PHACTR1: variants seen among roughly 807,000 people sequenced by gnomAD.
PHACTR1 encodes phosphatase and actin regulator 1, also known as RPEL repeat containing 1.
In PHACTR1, 16 loss-of-function variants were observed where a neutral mutation model predicts 69.2. That is an observed-to-expected ratio of 0.23 (90% CI 0.16 to 0.35). The LOEUF is 0.35. Ranked by LOEUF, PHACTR1 falls within the 10% of genes least tolerant of loss-of-function variation. The pLI, the probability that PHACTR1 is intolerant of heterozygous loss-of-function variation, is 1.00. For missense variants in PHACTR1, 510 were observed against 734.7 expected (o/e 0.69, Z 3.54); for synonymous variants, 312 against 284.5 (o/e 1.10, Z -0.97).
intron 5 of PHACTR1, among the ~76,000 whole-genome samples, chr6:13,133,556 C>G (rs1456595516): frequency 6.6e-6 from 1 of 152,118 alleles, no homozygotes; most frequent in Non-Finnish European, 1.5e-5. Flanking sequence ...CTCGGCCTCC[C>G]GAGGTGCCGG....
intron 5 of PHACTR1, among the ~76,000 whole-genome samples, chr6:13,073,993 C>T (rs1809977670): frequency 6.6e-6 from 1 of 152,006 alleles, no homozygotes; most frequent in African/African-American, 2.4e-5. Flanking sequence ...CTGCCTCAGC[C>T]TCCCGAGTAG....
chr6:13,253,116 C>T (rs1464330781), intron 10 of PHACTR1: 1 of 444,878 alleles, frequency 2.2e-6, no homozygotes, highest in Non-Finnish European at 4.6e-6. Context: ...GGCTTCTTCC[C>T]CACCCTCTAT....
chr6:13,225,388 A>G lies in PHACTR1; in HGVS notation c.987-2428A>G, dbSNP rs576302829. Among the ~76,000 whole-genome samples, 15 of 152,300 alleles carry G rather than the reference A, an allele frequency of 9.8e-5. No individual in the cohort carries two copies. The South Asian group carries it at 1.2e-3, about 13-fold the overall frequency. ...TTCTCTAGTGCCCCAACAGGCAGTC[A>G]TTGGCCACCTGACCAATCCCTATTT... On this transcript the variant is annotated intron_variant, in intron 8 of 14. Coordinates refer to ENST00000332995, the MANE Select transcript of PHACTR1 (RefSeq NM_030948.6).
chr6:12,998,724 C>A (rs1391040186), intron 4 of PHACTR1, among the ~76,000 whole-genome samples: 4 of 151,232 alleles, frequency 2.6e-5, no homozygotes, highest in Non-Finnish European at 1.5e-5. Context: ...AAAGGACTCA[C>A]AAACAAAATT....
intron 3 of PHACTR1, among the ~76,000 whole-genome samples, chr6:12,742,087 GA>G (rs199943720): frequency 0.011 from 1,687 of 152,164 alleles, 33 homozygotes; most frequent in African/African-American, 0.039. Flanking sequence ...ATTTGGGGGG[GA>G]TTTTTTGTCT....
At chr6:12,854,024 T>A (rs1330743069) in intron 4 of PHACTR1, among the ~76,000 whole-genome samples, 1 of 152,218 alleles carries the variant, frequency 6.6e-6, no homozygotes, top group African/African-American at 2.4e-5. Flanking sequence ...TCAATACGTA[T>A]AGGTGGAACT....
intron 9 of PHACTR1, among the ~76,000 whole-genome samples, chr6:13,229,812 A>G (rs1444326009): frequency 6.6e-6 from 1 of 152,210 alleles, no homozygotes; most frequent in Non-Finnish European, 1.5e-5. Context: ...TGGAGAGCAG[A>G]GACCCAATCA....
In PHACTR1 at chr6:12,868,279, G is replaced by C. The variant is rs560215135; in HGVS notation, c.250+118489G>C. On this transcript the variant is annotated intron_variant, in intron 4 of 14. Transcript: ENST00000332995. The stretch of plus-strand genomic sequence containing the variant: ...TCAAAAAGAAAAAAAAAAAAAAAAA[G>C]TTCAGGTGCTGACCAGTGCACATGT... 1.1e-3 allele frequency among the ~76,000 whole-genome samples: 115 copies of C among 102,680 alleles called. No homozygotes were observed. In the Middle Eastern group the frequency reaches 0.027, roughly 24 times the overall value. 67.4% of individuals were successfully genotyped at this position (102,680 alleles called of 152,430 possible). A position where few individuals can be genotyped will look rare whatever the true frequency, so the allele number is the denominator to read the frequency against.
At chr6:12,949,782 C>T (rs1323702564) in intron 4 of PHACTR1, among the ~76,000 whole-genome samples, 2 of 152,044 alleles carry the variant, frequency 1.3e-5, no homozygotes, top group Non-Finnish European at 2.9e-5. Flanking sequence ...AAAAAAATCA[C>T]GAATCAATCT....
chr6:12,935,157 T>G (rs1403836708), intron 4 of PHACTR1, among the ~76,000 whole-genome samples: 5 of 152,306 alleles, frequency 3.3e-5, no homozygotes, highest in African/African-American at 1.2e-4. Flanking sequence ...AGCCTATAAT[T>G]TAATGTGTGA....
At chr6:12,983,595 G>A (rs1019398098) in intron 4 of PHACTR1, among the ~76,000 whole-genome samples, 10 of 151,858 alleles carry the variant, frequency 6.6e-5, no homozygotes, top group South Asian at 2.1e-4. Flanking sequence ...TGTGCACAAC[G>A]TGCAGGTTTG....
intron 4 of PHACTR1, among the ~76,000 whole-genome samples, chr6:12,808,791 C>T (rs902699679): frequency 1.3e-5 from 2 of 150,406 alleles, no homozygotes; most frequent in Admixed American, 1.3e-4. Context: ...TCTCCTTCTC[C>T]TCCTTCTTCT....
Position 12,999,509 on chromosome 6 carries a change from G to T in PHACTR1, c.251-53856G>T, listed in dbSNP as rs1282207482. On this transcript the variant is annotated intron_variant, in intron 4 of 14. Transcript: ENST00000332995. ...CAGCTACTCAGGAGGCTGAGACAGA[G>T]AATTTTTTGAATCCAGGAGGCGGAG... 3.9e-5 allele frequency among the ~76,000 whole-genome samples: 6 copies of T among 152,294 alleles called. No individual in the cohort carries two copies. The East Asian group carries it at 7.7e-4, about 20-fold the overall frequency.
intron 4 of PHACTR1, among the ~76,000 whole-genome samples, chr6:12,863,452 G>A (rs868491310): frequency 6.8e-4 from 103 of 152,170 alleles, no homozygotes; most frequent in African/African-American, 2.4e-3. Flanking sequence ...TCTAAATACT[G>A]TCATATTGGG....
Position 12,827,110 on chromosome 6 carries a change from C to T in PHACTR1, c.250+77320C>T, listed in dbSNP as rs572040347. ...TTACGCTATTGATTATTTAAGAAAA[C>T]AACCCATCTTGAGATAATGTTGCTG... On this transcript the variant is annotated intron_variant, in intron 4 of 14. Coordinates refer to ENST00000332995, the MANE Select transcript of PHACTR1 (RefSeq NM_030948.6). 2.0e-5 allele frequency among the ~76,000 whole-genome samples: 3 copies of T among 152,296 alleles called. No individual in the cohort carries two copies. In the East Asian group the frequency reaches 5.8e-4, roughly 29 times the overall value.
rs142905464 is a variant in PHACTR1, at chr6:13,256,142, C to T, written c.1392-16718C>T. On this transcript the variant is annotated intron_variant, in intron 10 of 14. Transcript: ENST00000332995. ...TACTACAATATGGAAGCCACCAAGGCGTACAGTTTGCACCCTCTGAAGCAG... is the reference window on the plus strand; with the variant it reads ...TACTACAATATGGAAGCCACCAAGGTGTACAGTTTGCACCCTCTGAAGCAG... 3.4e-3 allele frequency among the ~76,000 whole-genome samples: 525 copies of T among 152,360 alleles called. 2 individuals carry two copies. The highest frequency in any genetic ancestry group is 6.1e-3 in the Non-Finnish European group (416 of 68,036).
chr6:13,020,780 A>G (rs1263804042), intron 4 of PHACTR1, among the ~76,000 whole-genome samples: 1 of 152,174 alleles, frequency 6.6e-6, no homozygotes, highest in Non-Finnish European at 1.5e-5. Context: ...CAGTACATGA[A>G]TGTACATGTT....
chr6:12,782,420 GGCTGTATTCACAGGGACAA>G (rs1770959816), intron 4 of PHACTR1, among the ~76,000 whole-genome samples: 1 of 152,182 alleles, frequency 6.6e-6, no homozygotes, highest in Non-Finnish European at 1.5e-5. Context: ...GCCATAAGGA[GGCTGTATTCACAGGGACAA>G]GCTGTAATCA....
chr6:12,923,390 A>G (rs550888828), intron 4 of PHACTR1, among the ~76,000 whole-genome samples: 1 of 152,348 alleles, frequency 6.6e-6, no homozygotes, highest in East Asian at 1.9e-4. Context: ...ATTACATGCT[A>G]TAATTTATAG....
Sources: allele counts gnomAD v4.1 joint callset (sites outside exome capture counted in the v4.1 genomes callset), GRCh38; gene constraint gnomAD v4.1.1; transcripts MANE v1.5; gene names NCBI Gene and HGNC (gene_info 2026-07-23, HGNC 2026-07-21).